Variants in CDKAL1 observed in about 807,000 individuals in gnomAD.
CDKAL1 encodes the protein CDKAL1 threonylcarbamoyladenosine tRNA methylthiotransferase.
In CDKAL1, 32 loss-of-function variants were observed where a neutral mutation model predicts 68.2. That is an observed-to-expected ratio of 0.47 (90% CI 0.35 to 0.63). The LOEUF (loss-of-function observed/expected upper bound fraction) is 0.63, where lower values mean the gene tolerates loss of function less well. Ranked by LOEUF, CDKAL1 falls within the 30% of genes least tolerant of loss-of-function variation. The probability of loss-of-function intolerance (pLI) is 0.00; values close to 1 mark genes in which losing one functional copy is unlikely to be tolerated. For missense variants in CDKAL1, 606 were observed against 696.7 expected, an observed-to-expected ratio of 0.87 and a Z score of 1.47; for synonymous variants, 234 against 244.3, an observed-to-expected ratio of 0.96 and a Z score of 0.39.
chr6:21,025,596 G>A (rs575070543), intron 11 of CDKAL1, among the ~76,000 whole-genome samples: 30 of 152,170 alleles, frequency 2.0e-4, no homozygotes, highest in African/African-American at 7.2e-4. Flanking sequence ...AAATGAAGGG[G>A]AACAAAAAGA....
At chr6:21,060,750 A>AT (rs771351908) in intron 11 of CDKAL1, among the ~76,000 whole-genome samples, 35 of 151,794 alleles carry the variant, frequency 2.3e-4, no homozygotes, top group Non-Finnish European at 5.0e-4. Flanking sequence ...TACCTACCTC[A>AT]TTTTTTCCCC....
intron 11 of CDKAL1, among the ~76,000 whole-genome samples, chr6:21,027,601 A>T (rs954982318): frequency 5.9e-5 from 9 of 152,168 alleles, no homozygotes; most frequent in African/African-American, 2.2e-4. Context: ...TGGGTTAGTT[A>T]TCATGGGAGC....
chr6:21,218,506 C>T (rs191008909), intron 15 of CDKAL1, among the ~76,000 whole-genome samples: 33 of 152,344 alleles, frequency 2.2e-4, no homozygotes, highest in South Asian at 4.1e-4. Context: ...GGCTGGCAGC[C>T]GGGGATGTGG....
At chr6:21,203,531 C>T (rs911656066) in intron 15 of CDKAL1, among the ~76,000 whole-genome samples, 4 of 151,618 alleles carry the variant, frequency 2.6e-5, no homozygotes, top group Admixed American at 6.6e-5. Context: ...CCACTGTGCT[C>T]GGCCCCAGCT....
intron 5 of CDKAL1, among the ~76,000 whole-genome samples, chr6:20,714,378 C>CTTTTTTTT (rs545162371): frequency 5.5e-5 from 4 of 72,740 alleles, no homozygotes; most frequent in East Asian, 3.4e-4. Context: ...ATTGTCTGTT[C>CTTTTTTTT]TTTTTTTTTT....
In CDKAL1 at chr6:21,190,505, T is replaced by G. The variant is rs189286400; in HGVS notation, c.1300-7516T>G. On this transcript the variant is annotated intron_variant, in intron 13 of 15. Transcript: ENST00000274695. ...GCCTCAGCCTCCCGAGTAGCTGGGA[T>G]TACAGGCATCTGCCACCGCACCTGG... 1.3e-3 allele frequency among the ~76,000 whole-genome samples: 192 copies of G among 152,220 alleles called. 3 individuals are homozygous for G. The highest frequency in any genetic ancestry group is 4.5e-3 in the African/African-American group (187 of 41,558).
At chr6:20,793,836 AAT>A (rs149115711) in intron 8 of CDKAL1, among the ~76,000 whole-genome samples, 5 of 147,522 alleles carry the variant, frequency 3.4e-5, no homozygotes, top group South Asian at 2.1e-4. Flanking sequence ...GGTTATATAT[AAT>A]ATATATATAC....
chr6:20,991,169 G>A (rs1399045617), intron 10 of CDKAL1, among the ~76,000 whole-genome samples: 2 of 152,214 alleles, frequency 1.3e-5, no homozygotes, highest in Non-Finnish European at 2.9e-5. Flanking sequence ...ATTATGCTGA[G>A]TGAAATAAGC....
chr6:20,868,976 T>G (rs1347618378), intron 9 of CDKAL1, among the ~76,000 whole-genome samples: 3 of 152,210 alleles, frequency 2.0e-5, no homozygotes, highest in Non-Finnish European at 4.4e-5. Flanking sequence ...CCTGGGGCTT[T>G]GCATGTATAG....
chr6:21,156,077 T>C (rs1025930648), intron 13 of CDKAL1, among the ~76,000 whole-genome samples: 1 of 152,072 alleles, frequency 6.6e-6, no homozygotes, highest in African/African-American at 2.4e-5. Context: ...CGAGATAACA[T>C]GTATGTGATC....
chr6:20,566,070 C>A (rs9350259), intron 4 of CDKAL1, among the ~76,000 whole-genome samples: 32 of 152,072 alleles, frequency 2.1e-4, no homozygotes, highest in Non-Finnish European at 2.5e-4. Flanking sequence ...GCTTCCCTCT[C>A]CAACCCCATA....
At chr6:20,977,565 A>G (rs192710925) in intron 10 of CDKAL1, among the ~76,000 whole-genome samples, 12 of 152,286 alleles carry the variant, frequency 7.9e-5, no homozygotes, top group Non-Finnish European at 1.8e-4. Flanking sequence ...TCCTCATTCT[A>G]TGATTTTTAA....
intron 8 of CDKAL1, among the ~76,000 whole-genome samples, chr6:20,833,686 T>C (rs906483079): frequency 7.9e-5 from 12 of 152,228 alleles, no homozygotes; most frequent in South Asian, 4.1e-4. Context: ...AATCCAGGAA[T>C]GGTAAACACC....
At chr6:20,709,404 A>G (rs1390798193) in intron 5 of CDKAL1, among the ~76,000 whole-genome samples, 2 of 152,166 alleles carry the variant, frequency 1.3e-5, no homozygotes, top group East Asian at 3.9e-4. Context: ...CTCAAAGGAA[A>G]TACTCATTGG....
chr6:20,991,348 T>C (rs1460696556), intron 10 of CDKAL1, among the ~76,000 whole-genome samples: 1 of 152,038 alleles, frequency 6.6e-6, no homozygotes. Flanking sequence ...GGACAGTGGG[T>C]GGTGGTTTGT....
intron 11 of CDKAL1, among the ~76,000 whole-genome samples, chr6:21,050,396 T>C (rs2150910029): frequency 6.6e-6 from 1 of 152,226 alleles, no homozygotes; most frequent in East Asian, 1.9e-4. Context: ...GTTTGGCAGT[T>C]CCCGAGCTCT....
intron 5 of CDKAL1, among the ~76,000 whole-genome samples, chr6:20,672,630 C>T (rs957088011): frequency 2.8e-4 from 43 of 152,162 alleles, no homozygotes; most frequent in African/African-American, 9.4e-4. Flanking sequence ...GCTGGGATTA[C>T]AGGTGTGAGC....
intron 7 of CDKAL1, among the ~76,000 whole-genome samples, chr6:20,779,965 T>A (rs1158627120): frequency 6.6e-6 from 1 of 151,936 alleles, no homozygotes; most frequent in Non-Finnish European, 1.5e-5. Context: ...ACAATAGGTC[T>A]AGGCTGTGTG....
At chr6:20,903,600 A>G (rs900416270) in intron 9 of CDKAL1, among the ~76,000 whole-genome samples, 2 of 152,176 alleles carry the variant, frequency 1.3e-5, no homozygotes, top group Non-Finnish European at 2.9e-5. Context: ...ACAGTGCCTG[A>G]GGAGAAAATT....
Sources: allele counts gnomAD v4.1 joint callset (sites outside exome capture counted in the v4.1 genomes callset), GRCh38; gene constraint gnomAD v4.1.1; transcripts MANE v1.5; gene names NCBI Gene and HGNC (gene_info 2026-07-23, HGNC 2026-07-21).